The following YIPF7 variants were observed in gnomAD, a reference collection of about 807,000 sequenced individuals.
YIPF7 encodes protein YIPF7.
A neutral mutation model predicts 27.2 loss-of-function variants in YIPF7; 35 were observed. That is an observed-to-expected ratio of 1.29 (90% CI 0.98 to 1.70). The LOEUF (loss-of-function observed/expected upper bound fraction) is 1.70, where lower values mean the gene tolerates loss of function less well. YIPF7 is among the 40% of genes most tolerant of loss of function. The pLI, the probability that YIPF7 is intolerant of heterozygous loss-of-function variation, is 0.00. For synonymous variants in YIPF7, 137 were observed against 110.4 expected (o/e 1.24, Z -1.51); for missense variants, 358 against 303.7 (o/e 1.18, Z -1.33).
chr4:44,655,223 C>A (rs1713856554), upstream of YIPF7, among the ~76,000 whole-genome samples: 2 of 152,142 alleles, frequency 1.3e-5, no homozygotes, highest in East Asian at 3.9e-4. Context: ...ACTGCATACT[C>A]AGAATCCAAT....
chr4:44,634,556 A>G (rs964182681), intron 3 of YIPF7, among the ~76,000 whole-genome samples: 1 of 152,188 alleles, frequency 6.6e-6, no homozygotes, highest in African/African-American at 2.4e-5. Context: ...TACTCGTGAC[A>G]TAAAGTAAAT....
upstream of YIPF7, among the ~76,000 whole-genome samples, chr4:44,652,596 G>A (rs368605407): frequency 2.6e-4 from 39 of 152,282 alleles, 1 homozygote; most frequent in East Asian, 4.4e-3. Context: ...AATCACAGCT[G>A]CCCTTCTTAC....
At chr4:44,636,363 G>T (rs1222449171) in intron 2 of YIPF7, among the ~76,000 whole-genome samples, 4 of 152,050 alleles carry the variant, frequency 2.6e-5, no homozygotes, top group African/African-American at 9.7e-5. Flanking sequence ...AACTCTATAA[G>T]GTAAAAGCTG....
rs758311978 is a variant in YIPF7 at position 44,650,058 on chromosome 4, T to C, written c.43A>G (p.Asn15Asp). Reference sequence around the variant, plus strand: ...TGCTCCTGGTTATCAATAGTAAAATTAGATTGGTAAAAATCAGAGTCAAAT... The same window carrying C: ...TGCTCCTGGTTATCAATAGTAAAATCAGATTGGTAAAAATCAGAGTCAAAT... ...AQFDSDFYQS[N>D]FTIDNQEQSG... Residue 15 changes from asparagine (N) to aspartate (D), a missense_variant, in exon 2 of 6, where the codon AAT becomes GAT. Transcript: ENST00000415895. 6.3e-7 allele frequency: 1 copy of C among 1,583,810 alleles called. No homozygotes were observed. Among genetic ancestry groups the C allele is most frequent in the South Asian group, 1.2e-5 (1 of 86,596 alleles).
At chr4:44,660,532 G>T (rs75940721) in exon 2 of YIPF7, 4,237 of 152,216 alleles carry the variant, frequency 0.028, 184 homozygotes, top group African/African-American at 0.098. Flanking sequence ...AGAGATGCCC[G>T]ATTTTCAAGT....
intron 5 of YIPF7, among the ~76,000 whole-genome samples, chr4:44,623,926 A>G (rs1272364985): frequency 6.6e-6 from 1 of 152,198 alleles, no homozygotes; most frequent in Non-Finnish European, 1.5e-5. Context: ...GAAGCAATTT[A>G]TCAGTGTTCA....
intron 2 of YIPF7, among the ~76,000 whole-genome samples, chr4:44,648,950 C>T (rs1309463902): frequency 2.0e-5 from 3 of 152,090 alleles, no homozygotes; most frequent in African/African-American, 7.2e-5. Context: ...ATTTTCAACT[C>T]AAGTTGAATT....
At chr4:44,626,200 A>T (rs1290485197) in intron 4 of YIPF7, among the ~76,000 whole-genome samples, 1 of 152,152 alleles carries the variant, frequency 6.6e-6, no homozygotes, top group East Asian at 1.9e-4. Flanking sequence ...TTAGCCACTG[A>T]TAAATTCTTA....
At chr4:44,626,209 T>A (rs945207678) in intron 4 of YIPF7, among the ~76,000 whole-genome samples, 9 of 152,106 alleles carry the variant, frequency 5.9e-5, no homozygotes, top group South Asian at 2.1e-4. Flanking sequence ...GATAAATTCT[T>A]ATGATACCTT....
intron 2 of YIPF7, among the ~76,000 whole-genome samples, chr4:44,648,414 A>G (rs1047389625): frequency 8.6e-5 from 13 of 151,742 alleles, no homozygotes; most frequent in African/African-American, 2.9e-4. Context: ...GGGATGCTCA[A>G]CCTGTAGTGC....
intron 4 of YIPF7, among the ~76,000 whole-genome samples, chr4:44,625,431 T>A (rs1001137114): frequency 2.0e-5 from 3 of 152,200 alleles, no homozygotes; most frequent in Non-Finnish European, 4.4e-5. Flanking sequence ...CAACGGGAAC[T>A]CTTACAAGTC....
intron 2 of YIPF7, among the ~76,000 whole-genome samples, chr4:44,643,693 C>G (rs1469953622): frequency 6.6e-6 from 1 of 152,112 alleles, no homozygotes; most frequent in Non-Finnish European, 1.5e-5. Flanking sequence ...AGCCTCAGGA[C>G]ATTGCTCCCT....
In YIPF7 at chr4:44,629,463, A is replaced by C. The variant is rs780560919; in HGVS notation, c.366T>G (p.Asn122Lys). 14 of 1,599,746 alleles carry C rather than the reference A, an allele frequency of 8.8e-6. No homozygotes were observed. Among genetic ancestry groups the C allele is most frequent in the Admixed American group, 1.7e-5 (1 of 58,218 alleles). ...PMKPVDGSIM[N>K]ETDLTGPILF... ...GAATGGGTCCAGTGAGGTCCGTTTCATTCATAATGCTGCCATCTACTGGCT... is the reference window on the plus strand; with the variant it reads ...GAATGGGTCCAGTGAGGTCCGTTTCCTTCATAATGCTGCCATCTACTGGCT... Residue 122 changes from asparagine (N) to lysine (K), a missense_variant, in exon 4 of 6, where the codon AAT becomes AAG. Coordinates refer to ENST00000415895, the MANE Select transcript of YIPF7 (RefSeq NM_182592.3).
intron 3 of YIPF7, among the ~76,000 whole-genome samples, chr4:44,632,205 G>A (rs933503695): frequency 6.6e-6 from 1 of 152,104 alleles, no homozygotes; most frequent in Non-Finnish European, 1.5e-5. Context: ...ACTATTAATT[G>A]TAGATACTCT....
intron 2 of YIPF7, among the ~76,000 whole-genome samples, chr4:44,647,060 C>T (rs977348558): frequency 2.6e-5 from 4 of 152,174 alleles, no homozygotes; most frequent in African/African-American, 9.6e-5. Flanking sequence ...CTACTATGCC[C>T]TTTCCTAATT....
intron 2 of YIPF7, among the ~76,000 whole-genome samples, chr4:44,636,606 T>G (rs1298072399): frequency 2.0e-5 from 3 of 152,148 alleles, no homozygotes; most frequent in Non-Finnish European, 4.4e-5. Context: ...TTTAATAGTA[T>G]AGTCAACTGA....
intron 3 of YIPF7, among the ~76,000 whole-genome samples, chr4:44,632,786 G>A (rs984382623): frequency 2.6e-5 from 4 of 152,250 alleles, no homozygotes; most frequent in South Asian, 4.1e-4. Flanking sequence ...GCTTTCACAA[G>A]TCACTCAGCT....
At chr4:44,650,178 G>C in intron 1 of YIPF7, 77 bp from the exon 2 acceptor site, 4 of 861,622 alleles carry the variant, frequency 4.6e-6, no homozygotes, top group Non-Finnish European at 7.6e-6. Context: ...AACATCAAAT[G>C]ACAATGTGAT....
intron 5 of YIPF7, 114 bp downstream of exon 5, chr4:44,624,487 G>C: frequency 8.1e-7 from 1 of 1,229,604 alleles, no homozygotes; most frequent in Non-Finnish European, 1.1e-6. Flanking sequence ...AATAGCCATG[G>C]TTTTCCCAGT....
Sources: allele counts gnomAD v4.1 joint callset (sites outside exome capture counted in the v4.1 genomes callset), GRCh38; gene constraint gnomAD v4.1.1; transcripts MANE v1.5; gene names NCBI Gene and HGNC (gene_info 2026-07-23, HGNC 2026-07-21).